The following BMP1 variants were observed in gnomAD, a reference collection of about 807,000 sequenced individuals.
BMP1 encodes bone morphogenetic protein 1.
In BMP1, 63 loss-of-function variants were observed where a neutral mutation model predicts 116.8. The observed-to-expected ratio is 0.54, with a 90% confidence interval of 0.44 to 0.67. The LOEUF (loss-of-function observed/expected upper bound fraction) is 0.67, where lower values mean the gene tolerates loss of function less well. Ranked by LOEUF, BMP1 falls within the 30% of genes least tolerant of loss-of-function variation. The pLI is 0.00. For missense variants in BMP1, 1,183 were observed against 1,358.9 expected (o/e 0.87, Z 2.04); for synonymous variants, 536 against 533.4 (o/e 1.00, Z -0.07).
chr8:22,188,187 T>TG (rs1828831837), intron 8 of BMP1, among the ~76,000 whole-genome samples: 2 of 150,328 alleles, frequency 1.3e-5, no homozygotes, highest in South Asian at 2.1e-4. Flanking sequence ...GTTTTTTTTT[T>TG]TTTTTTTTTT....
chr8:22,168,330 G>A (rs1309652672), intron 1 of BMP1, among the ~76,000 whole-genome samples: 1 of 152,090 alleles, frequency 6.6e-6, no homozygotes. Context: ...AACCATGAAG[G>A]GGGTCCTTCT....
chr8:22,196,317 C>A (rs1044161412), intron 13 of BMP1: 1 of 566,760 alleles, frequency 1.8e-6, no homozygotes, highest in East Asian at 4.5e-5. Context: ...TCCTGCTGTG[C>A]CCCCGAGCTG....
intron 8 of BMP1, among the ~76,000 whole-genome samples, chr8:22,182,850 A>G (rs1014779709): frequency 1.3e-5 from 2 of 152,256 alleles, no homozygotes; most frequent in African/African-American, 4.8e-5. Context: ...TCACATCTGC[A>G]AATTATTTGA....
In BMP1 at chr8:22,209,695, G is replaced by C. The variant is rs765371730; in HGVS notation, c.2826G>C (p.Gly942=). The C allele has an allele frequency of 1.7e-5, 28 of 1,613,282 alleles. No individual in the cohort carries two copies. The Admixed American group carries it at 2.2e-4, about 12-fold the overall frequency. ...GGCTGGGGCGCTACTGTGGCTCAGG[G>C]GTGAGGCCCCCACCCCTCGCCCTCC... The part of the protein sequence containing the change: ...APRLGRYCGS[G]PPEEVYSAGD... The change falls in exon 19 of 20, where the codon GGG becomes GGC. Residue 942 remains glycine (G), a splice_region_variant and synonymous_variant. Transcript: ENST00000306385.
chr8:22,179,859 G>A lies in BMP1; in HGVS notation c.961+30G>A, dbSNP rs758907246. On this transcript the variant is annotated intron_variant, in intron 7 of 19. Coordinates refer to ENST00000306385, the MANE Select transcript of BMP1 (RefSeq NM_006129.5). This position sits in a 1 kb window ranked among gnomAD's most constrained non-coding sequence, Gnocchi z 4.6. Reference sequence around the variant, plus strand: ...GGGCAGAGAAGGGATGGGTGAGGGCGTGGAGGGCAGGGCCTGAGGGAGGCA... The same window carrying A: ...GGGCAGAGAAGGGATGGGTGAGGGCATGGAGGGCAGGGCCTGAGGGAGGCA... The A allele has an allele frequency of 1.2e-4, 191 of 1,599,398 alleles. No homozygotes were observed. Among genetic ancestry groups the A allele is most frequent in the Non-Finnish European group, 1.5e-4 (177 of 1,170,682 alleles).
chr8:22,171,828 G>A (rs1563238247), intron 1 of BMP1: 1 of 152,188 alleles, frequency 6.6e-6, no homozygotes, highest in Non-Finnish European at 1.5e-5. Flanking sequence ...TCTAGGTGAG[G>A]GTGTGTCTCT....
intron 2 of BMP1, among the ~76,000 whole-genome samples, chr8:22,174,169 C>G (rs183803777): frequency 1.0e-3 from 152 of 152,318 alleles, no homozygotes; most frequent in African/African-American, 3.5e-3. Context: ...CCTGGGCTCT[C>G]TGTTCCCACT....
chr8:22,196,323 A>C, intron 13 of BMP1: 1 of 573,260 alleles, frequency 1.7e-6, no homozygotes, highest in African/African-American at 1.8e-5. Context: ...TGTGCCCCCG[A>C]GCTGCTCCCT....
In BMP1 at chr8:22,194,333, C is replaced by A; in HGVS notation, c.1298-112C>A. The A allele has an allele frequency of 6.7e-7, 1 of 1,498,980 alleles. No individual in the cohort carries two copies. Among genetic ancestry groups the A allele is most frequent in the Non-Finnish European group, 9.1e-7 (1 of 1,097,048 alleles). The allele number at this position is 1,498,980 out of a possible 1,614,324, so 92.9% of individuals were successfully genotyped here. A position where few individuals can be genotyped will look rare whatever the true frequency, so the allele number is the denominator to read the frequency against. On this transcript the variant is annotated intron_variant, in intron 10 of 19. Coordinates refer to ENST00000306385, the MANE Select transcript of BMP1 (RefSeq NM_006129.5). The surrounding 1 kb of genome is among the most constrained non-coding windows in gnomAD (Gnocchi z 4.5). ...CTGGGACTGGGGGTTTGGTGGGGAACTGAAAAGCTGGGGGACATGGGAGGG... is the reference window on the plus strand; with the variant it reads ...CTGGGACTGGGGGTTTGGTGGGGAAATGAAAAGCTGGGGGACATGGGAGGG...
chr8:22,197,049 G>C (rs77454694), intron 14 of BMP1, among the ~76,000 whole-genome samples, 191 bp from the exon 15 acceptor site: 90 of 152,344 alleles, frequency 5.9e-4, no homozygotes, highest in African/African-American at 2.1e-3. Flanking sequence ...TGGGAGGAAG[G>C]ACATGGAGTT....
intron 9 of BMP1, 94 bp from the exon 10 acceptor site, chr8:22,193,964 C>G: frequency 1.0e-6 from 1 of 989,790 alleles, no homozygotes; most frequent in South Asian, 1.4e-5. Context: ...GGCCACAGAT[C>G]AGGGCCCAAG....
At chr8:22,208,127 G>A (rs141829735) in intron 18 of BMP1, among the ~76,000 whole-genome samples, 6,826 of 152,168 alleles carry the variant, frequency 0.045, 230 homozygotes, top group South Asian at 0.1. Flanking sequence ...CAGGTGATCC[G>A]CCCGCCTTGG....
rs1829130864 is a variant in BMP1, at chr8:22,197,601, A to G, written c.2107+181A>G. On this transcript the variant is annotated intron_variant, in intron 15 of 19. Coordinates refer to ENST00000306385, the MANE Select transcript of BMP1 (RefSeq NM_006129.5). ...CCAGCCCTTCCAGTATCCAAATCTC[A>G]TTATTCCTGAGCCCTCAGGACTGTA... is the stretch of plus-strand genomic sequence containing the variant. Among the ~76,000 whole-genome samples, 3 of 151,996 alleles carry G rather than the reference A, an allele frequency of 2.0e-5. No individual in the cohort carries two copies. The South Asian group carries it at 6.2e-4, about 32-fold the overall frequency.
chr8:22,211,558 C>T, intron 19 of BMP1, 36 bp from the exon 20 acceptor site: 1 of 1,613,440 alleles, frequency 6.2e-7, no homozygotes, highest in East Asian at 2.2e-5. Context: ...CCCAGCCCCT[C>T]TTCCTCCACC....
intron 15 of BMP1, among the ~76,000 whole-genome samples, chr8:22,199,838 C>A (rs1165532660): frequency 6.6e-6 from 1 of 152,202 alleles, no homozygotes; most frequent in Non-Finnish European, 1.5e-5. Flanking sequence ...GTTAACTGAG[C>A]AAGAAACCTT....
intron 15 of BMP1, chr8:22,199,521 C>A: frequency 3.4e-6 from 3 of 888,194 alleles, no homozygotes; most frequent in Non-Finnish European, 4.4e-6. Flanking sequence ...TCAGGACTCA[C>A]TTTCCCCCAC....
chr8:22,211,840 C>A lies in BMP1; in HGVS notation c.*112C>A. On this transcript the variant is annotated 3_prime_UTR_variant, in exon 20 of 20. Coordinates refer to ENST00000306385, the MANE Select transcript of BMP1 (RefSeq NM_006129.5). Reference sequence around the variant, plus strand: ...CATCCCTCTCCCCCAGGCCCCAGGACCTGCAGGGCCAATGGCCTGGTGAGA... The same window carrying A: ...CATCCCTCTCCCCCAGGCCCCAGGAACTGCAGGGCCAATGGCCTGGTGAGA... The A allele has an allele frequency of 6.6e-7, 1 of 1,523,118 alleles. No individual in the cohort carries two copies. The highest frequency in any genetic ancestry group is 8.9e-7 in the Non-Finnish European group (1 of 1,118,506). The allele number at this position is 1,523,118 out of a possible 1,614,324, so 94.4% of individuals were successfully genotyped here.
chr8:22,210,468 T>TCACACACACACA (rs1554488560), intron 19 of BMP1, among the ~76,000 whole-genome samples: 235 of 135,546 alleles, frequency 1.7e-3, no homozygotes, highest in African/African-American at 6.2e-3. Context: ...TCTCTCTCTC[T>TCACACACACACA]CACACACATA....
intron 1 of BMP1, among the ~76,000 whole-genome samples, chr8:22,169,184 G>GAAA (rs5890026): frequency 4.7e-5 from 6 of 126,878 alleles, no homozygotes; most frequent in African/African-American, 1.5e-4. Flanking sequence ...AAGACTCTGT[G>GAAA]AAAAAAAAAA....
Sources: gnomAD v4.1 joint callset for allele counts (sites outside exome capture counted in the v4.1 genomes callset) on GRCh38, gnomAD v4.1.1 for gene constraint, Gnocchi (gnomAD v3.1) non-coding constraint, MANE v1.5 for transcripts, NCBI Gene and HGNC (gene_info 2026-07-23, HGNC 2026-07-21) for gene names.